Variants in GMPPB observed in about 807,000 individuals in gnomAD.
The protein encoded by GMPPB is mannose-1-phosphate guanylyltransferase catalytic subunit beta.
A neutral mutation model predicts 40.3 loss-of-function variants in GMPPB; 38 were observed. The ratio of observed to expected loss-of-function variants is 0.94; its 90% CI spans 0.73 to 1.24. GMPPB has a LOEUF of 1.24. Among genes scored for constraint, GMPPB ranks in the 50% most tolerant of loss-of-function variants. The pLI, the probability that GMPPB is intolerant of heterozygous loss-of-function variation, is 0.00. For synonymous variants in GMPPB, 193 were observed against 191.8 expected, an observed-to-expected ratio of 1.01 and a Z score of -0.05; for missense variants, 436 against 487.1, an observed-to-expected ratio of 0.90 and a Z score of 0.99.
In GMPPB at chr3:49,722,309, G is replaced by A. The variant is rs1012844228; in HGVS notation, c.690C>T (p.Cys230=). The change falls in exon 7 of 9, where the codon TGC becomes TGT. Residue 230 remains cysteine, a synonymous_variant. Transcript: ENST00000308388. ...TCTGCCTCAGTGACTGCAGGAAGAG[G>A]CACATGCCAGTGAGGAAGTCCTTGG... ...GQPKDFLTGM[C]LFLQSLRQKQ... 3 of 1,613,858 alleles carry A rather than the reference G, an allele frequency of 1.9e-6. No homozygotes were observed. Among genetic ancestry groups the A allele is most frequent in the Non-Finnish European group, 2.5e-6 (3 of 1,180,004 alleles).
rs55816606 is a variant in GMPPB, at chr3:49,721,956, C to T, written c.951+9G>A. On this transcript the variant is annotated intron_variant, in intron 8 of 8. Transcript: ENST00000308388. ...CCCTCTCCCCACCCAGCCCAGCCCA[C>T]AGGCTTACCCACTGACCCACGCGGC... 1,478 of 1,611,042 alleles carry T rather than the reference C, an allele frequency of 9.2e-4. 2 individuals are homozygous for T. The highest frequency in any genetic ancestry group is 1.3e-3 in the Middle Eastern group (8 of 6,054).
In GMPPB at chr3:49,723,071, T is replaced by C. The variant is rs747427232; in HGVS notation, c.303A>G (p.Ala101=). Residue 101 remains alanine (A), a synonymous_variant, in exon 4 of 9, where the codon GCA becomes GCG. Coordinates refer to ENST00000308388, the MANE Select transcript of GMPPB (RefSeq NM_021971.4). ...ALARDLLSET[A]DPFFVLNSDV... The stretch of plus-strand genomic sequence containing the variant: ...CACTGTTGAGGACGAAGAAAGGGTC[T>C]GCAGTCTCAGAGAGTAGGTCACGGG... 6.2e-7 allele frequency: 1 copy of C among 1,613,810 alleles called. No individual in the cohort carries two copies. The highest frequency in any genetic ancestry group is 8.5e-7 in the Non-Finnish European group (1 of 1,179,884).
Position 49,723,293 on chromosome 3 carries a change from G to A in GMPPB, c.220C>T (p.Arg74Ter), listed in dbSNP as rs397509423. 1.2e-6 allele frequency: 2 copies of A among 1,614,160 alleles called. No individual in the cohort carries two copies. The highest frequency in any genetic ancestry group is 2.2e-5 in the South Asian group (2 of 91,078). ...MKAQEQRLGI[R>*]ISMSHEEEPL... Reference sequence around the variant, plus strand: ...TCCTCTTCATGGGACATGGAGATTCGGATTCCCAGCTGGAAGGAAGAGGCC... The same window carrying A: ...TCCTCTTCATGGGACATGGAGATTCAGATTCCCAGCTGGAAGGAAGAGGCC... Residue 74 changes from arginine to a stop codon, truncating the protein, a stop_gained, in exon 3 of 9, where the codon CGA becomes TGA. Coordinates refer to ENST00000308388, the MANE Select transcript of GMPPB (RefSeq NM_021971.4). LOFTEE classifies it high-confidence loss of function.
rs753894718 is a variant in GMPPB at position 49,721,385 on chromosome 3, C to CCCTT, written c.*363_*366dup. The CCCTT allele has an allele frequency of 5.7e-6, 9 of 1,576,882 alleles. No individual in the cohort carries two copies. Among genetic ancestry groups the CCCTT allele is most frequent in the South Asian group, 3.3e-5 (3 of 89,882 alleles). On this transcript the variant is annotated 3_prime_UTR_variant, in exon 9 of 9. Transcript: ENST00000308388. ...GGGCCCTATTTATGAGCTCCCTTTG[C>CCCTT]CCTTCTCCTGTATCCCACACCACCA... is the stretch of plus-strand genomic sequence containing the variant.
At position 49,723,608 on chromosome 3, in the gene GMPPB, G is replaced by A. The variant is rs1387498672; in HGVS notation, c.119C>T (p.Ala40Val). ...NKPILLHQVE[A>V]LAAAGVDHVI... Reference sequence around the variant, plus strand: ...GACCCAGGGTCTTACCGCGGCTAGCGCCTCCACTTGGTGCAGCAAGATGGG... The same window carrying A: ...GACCCAGGGTCTTACCGCGGCTAGCACCTCCACTTGGTGCAGCAAGATGGG... Residue 40 changes from alanine to valine, a missense_variant, in exon 1 of 9, where the codon GCG becomes GTG. Coordinates refer to ENST00000308388, the MANE Select transcript of GMPPB (RefSeq NM_021971.4). 6.3e-7 allele frequency: 1 copy of A among 1,588,726 alleles called. No homozygotes were observed. Among genetic ancestry groups the A allele is most frequent in the Non-Finnish European group, 8.6e-7 (1 of 1,166,170 alleles).
At position 49,720,987 on chromosome 3, in the gene GMPPB, A is replaced by G. The variant is rs748602635; in HGVS notation, c.*765T>C. Reference sequence around the variant, plus strand: ...GGACATCCACATAGCCAGGCATCCAACTCCAGCCCACCCTTCACTCTCCTC... The same window carrying G: ...GGACATCCACATAGCCAGGCATCCAGCTCCAGCCCACCCTTCACTCTCCTC... On this transcript the variant is annotated 3_prime_UTR_variant, in exon 9 of 9. Transcript: ENST00000308388. The G allele has an allele frequency of 4.4e-6, 7 of 1,608,210 alleles. No homozygotes were observed. Among genetic ancestry groups the G allele is most frequent in the Non-Finnish European group, 6.0e-6 (7 of 1,175,622 alleles).
chr3:49,720,317 G>GAAAAAAAA lies in GMPPB; in HGVS notation c.*1427_*1434dup. The GAAAAAAAA allele has an allele frequency of 5.8e-6, 2 of 345,012 alleles. No individual in the cohort carries two copies. The highest frequency in any genetic ancestry group is 1.1e-4 in the South Asian group (1 of 8,944). The allele number at this position is 345,012 out of a possible 1,614,324, so 21.4% of individuals were successfully genotyped here. On this transcript the variant is annotated 3_prime_UTR_variant, in exon 9 of 9. Coordinates refer to ENST00000308388, the MANE Select transcript of GMPPB (RefSeq NM_021971.4). ...GGCAACAGAGCGAGACTCGTCTCAAGAAAAAAAAAAAAAAAACAGGCTGTG... is the reference window on the plus strand; with the variant it reads ...GGCAACAGAGCGAGACTCGTCTCAAGAAAAAAAAAAAAAAAAAAAAAAAACAGGCTGTG...
Position 49,721,966 on chromosome 3 carries a change from C to T in GMPPB, c.950G>A (p.Trp317Ter). Residue 317 changes from tryptophan (W) to a stop codon, truncating the protein, a stop_gained and splice_region_variant, in exon 8 of 9, where the codon TGG becomes TAG. Transcript: ENST00000308388. LOFTEE classifies it high-confidence loss of function. The part of the protein sequence containing the change: ...IVGWRCRVGQ[W>*]VRMENVTVLG... Reference sequence around the variant, plus strand: ...ACCCAGCCCAGCCCACAGGCTTACCCACTGACCCACGCGGCAGCGCCAGCC... The same window carrying T: ...ACCCAGCCCAGCCCACAGGCTTACCTACTGACCCACGCGGCAGCGCCAGCC... 6.2e-7 allele frequency: 1 copy of T among 1,613,484 alleles called. No homozygotes were observed. Among genetic ancestry groups the T allele is most frequent in the Non-Finnish European group, 8.5e-7 (1 of 1,179,882 alleles).
At chr3:49,722,402 C>A in intron 6 of GMPPB, 30 bp downstream of exon 6, 1 of 1,613,446 alleles carries the variant, frequency 6.2e-7, no homozygotes. Context: ...AGCCACAGAC[C>A]ACCCCCACCC....
Position 49,721,645 on chromosome 3 carries a change from G to T in GMPPB, c.*107C>A. The T allele has an allele frequency of 9.0e-7, 1 of 1,109,724 alleles. No homozygotes were observed. The highest frequency in any genetic ancestry group is 1.3e-6 in the Non-Finnish European group (1 of 761,316). The allele number at this position is 1,109,724 out of a possible 1,614,324, so 68.7% of individuals were successfully genotyped here. ...TGTCCAACAGCTTCAGCTTCACCCA[G>T]TGCCCCCCAGACAAATAATGACAAG... On this transcript the variant is annotated 3_prime_UTR_variant, in exon 9 of 9. Transcript: ENST00000308388.
chr3:49,723,770 C>T lies in GMPPB; in HGVS notation c.-44G>A. ...GGGGGTGTCCCGGGCTCTGAGGTGCCTGCAGCCCGCCTGGCCGGTCCCTGC... is the reference window on the plus strand; with the variant it reads ...GGGGGTGTCCCGGGCTCTGAGGTGCTTGCAGCCCGCCTGGCCGGTCCCTGC... On this transcript the variant is annotated 5_prime_UTR_variant, in exon 1 of 9. Transcript: ENST00000308388. 1 of 1,529,126 alleles carries T rather than the reference C, an allele frequency of 6.5e-7. No individual in the cohort carries two copies. The highest frequency in any genetic ancestry group is 8.7e-7 in the Non-Finnish European group (1 of 1,150,176). 94.7% of individuals were successfully genotyped at this position (1,529,126 alleles called of 1,614,324 possible).
rs2080395129 is a variant in GMPPB at position 49,721,093 on chromosome 3, A to C, written c.*659T>G. 6.2e-7 allele frequency: 1 copy of C among 1,613,876 alleles called. No individual in the cohort carries two copies. Among genetic ancestry groups the C allele is most frequent in the African/African-American group, 1.3e-5 (1 of 74,916 alleles). On this transcript the variant is annotated 3_prime_UTR_variant, in exon 9 of 9. Transcript: ENST00000308388. Reference sequence around the variant, plus strand: ...TCTGCTGTGTTCCAGCCCTGTGGCCACAAGTCCTGCAAGTAAGTGGGCCCC... The same window carrying C: ...TCTGCTGTGTTCCAGCCCTGTGGCCCCAAGTCCTGCAAGTAAGTGGGCCCC...
At position 49,723,670 on chromosome 3, in the gene GMPPB, C is replaced by G. The variant is rs564655211; in HGVS notation, c.57G>C (p.Leu19=). The G allele has an allele frequency of 6.3e-6, 10 of 1,583,106 alleles. No individual in the cohort carries two copies. The South Asian group carries it at 9.2e-5, about 15-fold the overall frequency. ...AGTCCACCAGTGGCTTCGGGGTGCT[C>G]AGCGTCAGCGGCCGTAGCCGCGTCC... ...GYGTRLRPLT[L]STPKPLVDFC... is the part of the protein sequence containing the mutation. Residue 19 remains leucine (L), a synonymous_variant, in exon 1 of 9, where the codon CTG becomes CTC. Transcript: ENST00000308388.
rs779447603 is a variant in GMPPB at position 49,720,570 on chromosome 3, G to GCTAT, written c.*1178_*1181dup. On this transcript the variant is annotated 3_prime_UTR_variant, in exon 9 of 9. Transcript: ENST00000308388. ...CCCTGCTTCCAGCTACGCTCAATATGCTATCTCCTGGGACAGCCAGAGCCC... is the reference window on the plus strand; with the variant it reads ...CCCTGCTTCCAGCTACGCTCAATATGCTATCTATCTCCTGGGACAGCCAGAGCCC... 12 of 1,611,876 alleles carry GCTAT rather than the reference G, an allele frequency of 7.4e-6. No homozygotes were observed. Among genetic ancestry groups the GCTAT allele is most frequent in the African/African-American group, 5.3e-5 (4 of 74,854 alleles).
At chr3:49,722,875 GTA>G in intron 4 of GMPPB, 95 bp downstream of exon 4, 2 of 1,513,802 alleles carry the variant, frequency 1.3e-6, no homozygotes, top group African/African-American at 2.8e-5. Flanking sequence ...GCACAGCTCT[GTA>G]TCCATAACAT....
rs370448223 is a variant in GMPPB at position 49,722,270 on chromosome 3, C to T, written c.729G>A (p.Arg243=). 98 of 1,613,874 alleles carry T rather than the reference C, an allele frequency of 6.1e-5. No individual in the cohort carries two copies. The African/African-American group carries it at 1.3e-3, about 21-fold the overall frequency. ...CCACAATGCCAGGGCCTGAGCACAG[C>T]CGCTCAGGCTGCTTCTGCCTCAGTG... The part of the protein sequence containing the change: ...LQSLRQKQPE[R]LCSGPGIVGN... Residue 243 remains arginine, a synonymous_variant, in exon 7 of 9, where the codon CGG becomes CGA. Transcript: ENST00000308388.
At position 49,723,720 on chromosome 3, in the gene GMPPB, C is replaced by G; in HGVS notation, c.7G>C (p.Ala3Pro). 1 of 1,588,446 alleles carries G rather than the reference C, an allele frequency of 6.3e-7. No individual in the cohort carries two copies. The highest frequency in any genetic ancestry group is 8.5e-7 in the Non-Finnish European group (1 of 1,170,794). Reference protein sequence around the residue: MKALILVGGYGTR... With the variant: MKPLILVGGYGTR... ...CCATAGCCCCCCACTAAGATCAGTGCCTTCATCGCGCCTGCGGACGTTGAG... is the reference window on the plus strand; with the variant it reads ...CCATAGCCCCCCACTAAGATCAGTGGCTTCATCGCGCCTGCGGACGTTGAG... The change falls in exon 1 of 9, where the codon GCA becomes CCA. Residue 3 changes from alanine to proline, a missense_variant. Coordinates refer to ENST00000308388, the MANE Select transcript of GMPPB (RefSeq NM_021971.4).
At position 49,722,245 on chromosome 3, in the gene GMPPB, C is replaced by G. The variant is rs749927415; in HGVS notation, c.754G>C (p.Gly252Arg). The G allele has an allele frequency of 6.2e-7, 1 of 1,613,328 alleles. No homozygotes were observed. Among genetic ancestry groups the G allele is most frequent in the African/African-American group, 1.3e-5 (1 of 74,918 alleles). Residue 252 changes from glycine (G) to arginine (R), a missense_variant, in exon 7 of 9, where the codon GGC (glycine) becomes CGC (arginine). Transcript: ENST00000308388. ...ERLCSGPGIVGNVLVDPSARI... is the reference protein window; with the variant it reads ...ERLCSGPGIVRNVLVDPSARI... Reference sequence around the variant, plus strand: ...AAGGGCCTCACCACCAGCACGTTGCCCACAATGCCAGGGCCTGAGCACAGC... The same window carrying G: ...AAGGGCCTCACCACCAGCACGTTGCGCACAATGCCAGGGCCTGAGCACAGC...
chr3:49,723,719 G>T lies in GMPPB; in HGVS notation c.8C>A (p.Ala3Glu). 6.3e-7 allele frequency: 1 copy of T among 1,588,530 alleles called. No homozygotes were observed. ...CCCATAGCCCCCCACTAAGATCAGT[G>T]CCTTCATCGCGCCTGCGGACGTTGA... is the stretch of plus-strand genomic sequence containing the variant. MK[A>E]LILVGGYGTR... is the part of the protein sequence containing the mutation. Residue 3 changes from alanine (A) to glutamate (E), a missense_variant, in exon 1 of 9, where the codon GCA becomes GAA. Physicochemically the swap from Ala to Glu is moderately radical, Grantham distance 107. Transcript: ENST00000308388.
Sources: allele counts gnomAD v4.1 joint callset, GRCh38; gene constraint gnomAD v4.1.1; transcripts MANE v1.5; gene names NCBI Gene and HGNC (gene_info 2026-07-23, HGNC 2026-07-21).